Variants in TMEM272 observed in about 807,000 individuals in gnomAD.
TMEM272 encodes transmembrane protein 272.
A neutral mutation model predicts 3.7 loss-of-function variants in TMEM272; 8 were observed. The observed-to-expected ratio is 2.17, with a 90% CI of 1.27 to 3.91. TMEM272 has a LOEUF of 3.91. Among genes scored for constraint, TMEM272 ranks in the 30% most tolerant of loss-of-function variants. The pLI, the probability that TMEM272 is intolerant of heterozygous loss-of-function variation, is 0.00. For synonymous variants in TMEM272, 63 were observed against 39.8 expected (o/e 1.58, Z -2.20); for missense variants, 166 against 91.5 (o/e 1.81, Z -3.32).
the TMEM272 span, chr13:51,908,841 G>A: frequency 6.9e-5 from 99 of 1,436,930 alleles, no homozygotes; most frequent in South Asian, 3.8e-4. Flanking sequence ...TTCCCACGGA[G>A]GTGACAGGGG....
At chr13:51,908,778 G>A in the TMEM272 span, 22 of 1,446,452 alleles carry the variant, frequency 1.5e-5, no homozygotes, top group Non-Finnish European at 2.1e-5. Context: ...TGGAGGAAGA[G>A]CTGAATCAGG....
the TMEM272 span, among the ~76,000 whole-genome samples, chr13:51,907,094 C>T: frequency 1.9e-4 from 29 of 152,212 alleles, no homozygotes; most frequent in Non-Finnish European, 2.5e-4. Flanking sequence ...CTGTGACTTG[C>T]TTTGACCCAT....
At chr13:51,923,877 C>A in the TMEM272 span, among the ~76,000 whole-genome samples, 86,875 of 152,046 alleles carry the variant, frequency 0.57, 26,531 homozygotes, top group African/African-American at 0.8. Context: ...GCAGGTGAAC[C>A]TCAAGAGAAA....
chr13:51,853,913 C>A, the TMEM272 span, among the ~76,000 whole-genome samples: 1 of 152,140 alleles, frequency 6.6e-6, no homozygotes. Context: ...TCTTCTTCAT[C>A]TTTGCTCTAT....
chr13:51,913,916 C>A, the TMEM272 span, among the ~76,000 whole-genome samples: 1 of 152,166 alleles, frequency 6.6e-6, no homozygotes, highest in Non-Finnish European at 1.5e-5. Context: ...GAGGACCCGG[C>A]AGAAAGAGAA....
intron 1 of TMEM272, among the ~76,000 whole-genome samples, chr13:51,844,212 GTA>G (rs776986629): frequency 2.0e-5 from 3 of 150,974 alleles, no homozygotes. Flanking sequence ...ATATATATAT[GTA>G]TATATATGTG....
At chr13:51,896,358 A>T in the TMEM272 span, among the ~76,000 whole-genome samples, 1 of 152,218 alleles carries the variant, frequency 6.6e-6, no homozygotes, top group Non-Finnish European at 1.5e-5. Context: ...ACGTGTGTGT[A>T]ACACAAATGT....
chr13:51,886,150 G>A, the TMEM272 span, among the ~76,000 whole-genome samples: 4,284 of 152,266 alleles, frequency 0.028, 206 homozygotes, highest in African/African-American at 0.098. Context: ...TGGGAAGGTG[G>A]TGTAGAGATC....
chr13:51,908,814 A>G, the TMEM272 span: 2 of 1,438,880 alleles, frequency 1.4e-6, no homozygotes, highest in South Asian at 1.1e-5. Flanking sequence ...TGGAGGAAAC[A>G]TCATCCTACG....
In TMEM272 at chr13:51,838,475, T is replaced by C. The variant is rs1203369824; in HGVS notation, c.56A>G (p.Asn19Ser). 7 of 702,916 alleles carry C rather than the reference T, an allele frequency of 1.0e-5. No individual in the cohort carries two copies. The highest frequency in any genetic ancestry group is 1.7e-5 in the African/African-American group (1 of 57,256). The allele number at this position is 702,916 out of a possible 1,614,324, so 43.5% of individuals were successfully genotyped here. ...CHQCISKIAS[N>S]ACFVVVLCAF... ...CATTTCTCAGAGTTGTGACTCACCA[T>C]TGCTGGCGATTTTAGAAATGCACTG... The change falls in exon 2 of 5, where the codon AAT becomes AGT. Residue 19 changes from asparagine to serine, a missense_variant and splice_region_variant. Transcript: ENST00000629372.
the TMEM272 span, among the ~76,000 whole-genome samples, chr13:51,903,362 C>G: frequency 6.6e-6 from 1 of 152,100 alleles, no homozygotes; most frequent in Non-Finnish European, 1.5e-5. Flanking sequence ...TCTTGGTTTC[C>G]AATAAGACAC....
chr13:51,898,878 G>T, the TMEM272 span, among the ~76,000 whole-genome samples: 1 of 151,924 alleles, frequency 6.6e-6, no homozygotes, highest in Non-Finnish European at 1.5e-5. Context: ...ATTCTACCTT[G>T]TACCTGCCTG....
In TMEM272 at chr13:51,815,057, T is replaced by C. The variant is rs1258606871; in HGVS notation, c.*1694A>G. 1.3e-5 allele frequency: 2 copies of C among 151,694 alleles called. No individual in the cohort carries two copies. Among genetic ancestry groups the C allele is most frequent in the East Asian group, 3.9e-4 (2 of 5,160 alleles). The allele number at this position is 151,694 out of a possible 1,614,324, so 9.4% of individuals were successfully genotyped here. A position where few individuals can be genotyped will look rare whatever the true frequency, so the allele number is the denominator to read the frequency against. On this transcript the variant is annotated 3_prime_UTR_variant, in exon 5 of 5. Transcript: ENST00000629372. ...GAGTCATGGACTGGGGAAAGGAGGG[T>C]GGGAGAGGAGCCCATGGAACTCCTG... is the stretch of plus-strand genomic sequence containing the variant.
chr13:51,859,671 T>A, the TMEM272 span, among the ~76,000 whole-genome samples: 1 of 152,090 alleles, frequency 6.6e-6, no homozygotes, highest in Admixed American at 6.6e-5. Context: ...ATAGACTTCA[T>A]AGAATTTGTC....
At chr13:51,908,557 C>G in the TMEM272 span, 1 of 1,494,800 alleles carries the variant, frequency 6.7e-7, no homozygotes, top group South Asian at 1.1e-5. Context: ...GGTGGAGGAA[C>G]AAAGCCAGGG....
At chr13:51,839,585 C>T (rs1020460086) in intron 1 of TMEM272, among the ~76,000 whole-genome samples, 8 of 152,198 alleles carry the variant, frequency 5.3e-5, no homozygotes, top group African/African-American at 1.9e-4. Flanking sequence ...GGTTTGCAAA[C>T]CAAGGGACCA....
At chr13:51,860,549 T>C in the TMEM272 span, among the ~76,000 whole-genome samples, 1 of 147,914 alleles carries the variant, frequency 6.8e-6, no homozygotes, top group Non-Finnish European at 1.5e-5. Flanking sequence ...TGAGGTGGGA[T>C]GATCACTTGA....
chr13:51,910,428 G>C, the TMEM272 span: 1 of 948,344 alleles, frequency 1.1e-6, no homozygotes, highest in Non-Finnish European at 1.7e-6. Context: ...ACTCCTAACC[G>C]ATCTAAAACT....
At chr13:51,834,425 G>C (rs1956198307) in intron 2 of TMEM272, among the ~76,000 whole-genome samples, 1 of 152,136 alleles carries the variant, frequency 6.6e-6, no homozygotes, top group Non-Finnish European at 1.5e-5. Context: ...ACAAAGCCCA[G>C]GGTTGATGTT....
Sources: allele counts gnomAD v4.1 joint callset (sites outside exome capture counted in the v4.1 genomes callset), GRCh38; gene constraint gnomAD v4.1.1; transcripts MANE v1.5; gene names NCBI Gene and HGNC (gene_info 2026-07-23, HGNC 2026-07-21).